The following ZNF423 variants were observed in gnomAD, a reference collection of about 807,000 sequenced individuals.
ZNF423 encodes the protein zinc finger protein 423.
A neutral mutation model predicts 95.8 loss-of-function variants in ZNF423; 12 were observed. That is an observed-to-expected ratio of 0.13 (90% confidence interval 0.08 to 0.20). The LOEUF (loss-of-function observed/expected upper bound fraction) is 0.20, where lower values mean the gene tolerates loss of function less well. ZNF423 is among the 10% of genes least tolerant of loss of function. ZNF423 has a pLI of 1.00. For missense variants in ZNF423, 1,316 were observed against 1,737.1 expected, an observed-to-expected ratio of 0.76 and a Z score of 4.31; for synonymous variants, 749 against 711.9, an observed-to-expected ratio of 1.05 and a Z score of -0.83.
intron 3 of ZNF423, among the ~76,000 whole-genome samples, chr16:49,663,813 C>G (rs113879124): frequency 6.6e-6 from 1 of 152,124 alleles, no homozygotes; most frequent in African/African-American, 2.4e-5. Flanking sequence ...ACCCCAGGGC[C>G]CTCCCCATCC....
intron 3 of ZNF423, among the ~76,000 whole-genome samples, chr16:49,719,373 C>T (rs2032799859): frequency 6.6e-6 from 1 of 152,210 alleles, no homozygotes; most frequent in South Asian, 2.1e-4. Flanking sequence ...GAAATATCTA[C>T]AGAATAAAGA....
chr16:49,841,993 T>C (rs1190197635), intron 1 of ZNF423, among the ~76,000 whole-genome samples: 1 of 151,958 alleles, frequency 6.6e-6, no homozygotes, highest in Non-Finnish European at 1.5e-5. Context: ...TCCCAGCACT[T>C]TGGGAGGCCC....
chr16:49,809,685 GGGGACCCCC>G (rs2034721497), intron 1 of ZNF423, among the ~76,000 whole-genome samples: 1 of 152,186 alleles, frequency 6.6e-6, no homozygotes, highest in Admixed American at 6.5e-5. Context: ...GGGGAGAGGT[GGGGACCCCC>G]GGGTGGGTTA....
At chr16:49,699,379 G>T (rs2151953344) in intron 3 of ZNF423, among the ~76,000 whole-genome samples, 1 of 152,248 alleles carries the variant, frequency 6.6e-6, no homozygotes. Context: ...AATAAATGCG[G>T]CCAAAACATC....
At chr16:49,565,241 A>C (rs1475092756) in intron 5 of ZNF423, among the ~76,000 whole-genome samples, 1 of 152,212 alleles carries the variant, frequency 6.6e-6, no homozygotes, top group African/African-American at 2.4e-5. Context: ...TGCACTGTCC[A>C]GCTCTCCCAC....
At chr16:49,731,662 A>T (rs75859203) in intron 2 of ZNF423, among the ~76,000 whole-genome samples, 3,672 of 151,510 alleles carry the variant, frequency 0.024, 147 homozygotes, top group African/African-American at 0.085. Context: ...AAAAAAAAAA[A>T]TTTTTTTTTA....
At chr16:49,705,901 C>G (rs1293359513) in intron 3 of ZNF423, among the ~76,000 whole-genome samples, 1 of 152,124 alleles carries the variant, frequency 6.6e-6, no homozygotes, top group Admixed American at 6.5e-5. Context: ...TTTTGAGAAA[C>G]AAGGGAGTGT....
chr16:49,704,177 A>G (rs1423726928), intron 3 of ZNF423, among the ~76,000 whole-genome samples: 1 of 152,116 alleles, frequency 6.6e-6, no homozygotes, highest in Non-Finnish European at 1.5e-5. Context: ...CCATAGCCAG[A>G]GGGGGAACAC....
rs1480367009 is a variant in ZNF423 at position 49,637,487 on chromosome 16, G to A, written c.1689C>T (p.Pro563=). ...SAKLESPVVQ[P]TQSFMEVYSC... is the part of the protein sequence containing the mutation. ...AATAGACCTCCATGAAGGACTGCGT[G>A]GGCTGCACCACCGGAGACTCTAGTT... Residue 563 remains proline (P), a synonymous_variant, in exon 4 of 8, where the codon CCC becomes CCT. Coordinates refer to ENST00000563137, the MANE Select transcript of ZNF423 (RefSeq NM_001379286.1). This position sits in a 1 kb window ranked among gnomAD's most constrained non-coding sequence, Gnocchi z 5.6. The A allele has an allele frequency of 3.7e-6, 6 of 1,614,042 alleles. No homozygotes were observed. Among genetic ancestry groups the A allele is most frequent in the Non-Finnish European group, 5.1e-6 (6 of 1,180,016 alleles).
At chr16:49,760,260 T>G (rs982293331) in intron 2 of ZNF423, among the ~76,000 whole-genome samples, 5 of 128,390 alleles carry the variant, frequency 3.9e-5, no homozygotes, top group African/African-American at 6.1e-5. Context: ...GATGGATTAA[T>G]GAATGGATGG....
chr16:49,793,948 C>T (rs576929540), intron 1 of ZNF423, among the ~76,000 whole-genome samples: 23 of 152,256 alleles, frequency 1.5e-4, no homozygotes, highest in Non-Finnish European at 2.5e-4. Flanking sequence ...TTCTGTAGCC[C>T]TACATGTTTT....
intron 2 of ZNF423, among the ~76,000 whole-genome samples, chr16:49,780,787 G>C (rs926664897): frequency 6.6e-6 from 1 of 152,214 alleles, no homozygotes; most frequent in African/African-American, 2.4e-5. Flanking sequence ...CCCCAGCCGA[G>C]CTAATGAGAA....
intron 5 of ZNF423, among the ~76,000 whole-genome samples, chr16:49,608,891 T>C (rs1254201087): frequency 6.6e-6 from 1 of 152,102 alleles, no homozygotes; most frequent in African/African-American, 2.4e-5. Context: ...GCTTATATAA[T>C]GAGGCACTCA....
At chr16:49,808,488 C>T (rs1022292234) in intron 1 of ZNF423, among the ~76,000 whole-genome samples, 17 of 152,168 alleles carry the variant, frequency 1.1e-4, no homozygotes, top group Admixed American at 3.3e-4. Context: ...ATCCCACAAG[C>T]CTCCGGTGCA....
At position 49,635,756 on chromosome 16, in the gene ZNF423, G is replaced by C. The variant is rs138555234; in HGVS notation, c.3420C>G (p.Ala1140=). 13 of 1,612,912 alleles carry C rather than the reference G, an allele frequency of 8.1e-6. No individual in the cohort carries two copies. Among genetic ancestry groups the C allele is most frequent in the East Asian group, 2.2e-5 (1 of 44,850 alleles). Residue 1140 remains alanine (A), a synonymous_variant, in exon 4 of 8, where the codon GCC becomes GCG. Coordinates refer to ENST00000563137, the MANE Select transcript of ZNF423 (RefSeq NM_001379286.1). This position sits in a 1 kb window ranked among gnomAD's most constrained non-coding sequence, Gnocchi z 4.8. ...CPECSVKFES[A]EDLESHMQVD... ...CCTGCATGTGGCTCTCCAGGTCTTC[G>C]GCACTCTCAAACTTGACACTGCACT...
chr16:49,688,461 G>A (rs955806182), intron 3 of ZNF423, among the ~76,000 whole-genome samples: 44 of 152,332 alleles, frequency 2.9e-4, no homozygotes, highest in Middle Eastern at 6.8e-3. Context: ...GGAGGCCAGC[G>A]AGATCCCCGA....
intron 5 of ZNF423, among the ~76,000 whole-genome samples, chr16:49,552,810 G>A (rs767482608): frequency 1.3e-5 from 2 of 151,902 alleles, no homozygotes; most frequent in Non-Finnish European, 2.9e-5. Context: ...CTCAGAGGCC[G>A]GGCCATGATC....
intron 2 of ZNF423, among the ~76,000 whole-genome samples, chr16:49,775,201 T>G (rs1236651161): frequency 1.3e-5 from 2 of 152,200 alleles, no homozygotes; most frequent in African/African-American, 4.8e-5. Context: ...AAATTGTTAC[T>G]GAGATGGTTC....
intron 1 of ZNF423, among the ~76,000 whole-genome samples, chr16:49,798,284 G>C (rs1238657455): frequency 1.3e-5 from 2 of 152,196 alleles, no homozygotes; most frequent in Non-Finnish European, 2.9e-5. Flanking sequence ...GAGGTGGGCA[G>C]ATGGCTTGAG....
Sources: gnomAD v4.1 joint callset for allele counts (sites outside exome capture counted in the v4.1 genomes callset) on GRCh38, gnomAD v4.1.1 for gene constraint, Gnocchi (gnomAD v3.1) non-coding constraint, MANE v1.5 for transcripts, NCBI Gene and HGNC (gene_info 2026-07-23, HGNC 2026-07-21) for gene names.